Variants in CHRM3 observed in about 807,000 individuals in gnomAD.
CHRM3 encodes the protein cholinergic receptor muscarinic 3.
CHRM3 carries 11 observed loss-of-function variants against 41.8 expected under a neutral mutation model. That is an observed-to-expected ratio of 0.26 (90% CI 0.17 to 0.44). The LOEUF is 0.44. Among genes scored for constraint, CHRM3 ranks in the 20% least tolerant of loss-of-function variants. The pLI is 1.00. For synonymous variants in CHRM3, 297 were observed against 301.4 expected (o/e 0.99, Z 0.15); for missense variants, 571 against 745.4 (o/e 0.77, Z 2.72).
chr1:239,686,579 C>T (rs928699164), intron 5 of CHRM3, among the ~76,000 whole-genome samples: 1 of 152,168 alleles, frequency 6.6e-6, no homozygotes, highest in African/African-American at 2.4e-5. Flanking sequence ...CACCACTCTG[C>T]ACTATACTTT....
intron 6 of CHRM3, among the ~76,000 whole-genome samples, chr1:239,891,065 A>G (rs1678513032): frequency 6.6e-6 from 1 of 152,118 alleles, no homozygotes; most frequent in Admixed American, 6.6e-5. Context: ...AATCAGGTGT[A>G]CATGGTTCTA....
chr1:239,552,393 A>G (rs901090597), intron 3 of CHRM3, among the ~76,000 whole-genome samples: 1 of 147,430 alleles, frequency 6.8e-6, no homozygotes, highest in Admixed American at 6.8e-5. Context: ...ATAGATATGT[A>G]TCATATTTTA....
At chr1:239,794,675 C>T (rs1172456847) in intron 5 of CHRM3, among the ~76,000 whole-genome samples, 2 of 152,128 alleles carry the variant, frequency 1.3e-5, no homozygotes, top group East Asian at 3.9e-4. Flanking sequence ...AGATCTAACT[C>T]CACGCTTTTA....
chr1:239,767,781 T>C (rs1241824150), intron 5 of CHRM3, among the ~76,000 whole-genome samples: 1 of 152,196 alleles, frequency 6.6e-6, no homozygotes, highest in Non-Finnish European at 1.5e-5. Context: ...ACTGATGGAA[T>C]CAGATGGATC....
At chr1:239,803,340 C>T (rs928268898) in intron 5 of CHRM3, among the ~76,000 whole-genome samples, 1 of 152,060 alleles carries the variant, frequency 6.6e-6, no homozygotes, top group Non-Finnish European at 1.5e-5. Flanking sequence ...AATTTAAGTA[C>T]GTGTCTTCAT....
chr1:239,432,489 A>T (rs74149059), intron 1 of CHRM3, among the ~76,000 whole-genome samples: 3,053 of 152,240 alleles, frequency 0.02, 81 homozygotes, highest in African/African-American at 0.069. Context: ...TGAAGAGTGA[A>T]TGGGGAAAAT....
At chr1:239,603,951 A>G (rs1665922923) in intron 3 of CHRM3, among the ~76,000 whole-genome samples, 2 of 152,150 alleles carry the variant, frequency 1.3e-5, no homozygotes, top group Non-Finnish European at 2.9e-5. Flanking sequence ...TACTATTATC[A>G]GTTTTCAGAC....
rs1218756281 is a variant in CHRM3, at chr1:239,469,871, T to C, written c.-520-22838T>C. Among the ~76,000 whole-genome samples, 3 of 152,310 alleles carry C rather than the reference T, an allele frequency of 2.0e-5. 1 individual carries two copies. Among genetic ancestry groups the C allele is most frequent in the Non-Finnish European group, 4.4e-5 (3 of 68,034 alleles). ...CGCACTCTGACAGTCTTGAGCACTT[T>C]GTCAGATTCCTTGGACAGCCTCCTT... On this transcript the variant is annotated intron_variant, in intron 1 of 6. Transcript: ENST00000676153.
rs760141495 is a variant in CHRM3 at position 239,907,583 on chromosome 1, A to G, written c.132A>G (p.Arg44=). The G allele has an allele frequency of 1.2e-6, 2 of 1,614,088 alleles. No individual in the cohort carries two copies. Among genetic ancestry groups the G allele is most frequent in the South Asian group, 2.2e-5 (2 of 91,074 alleles). ...ATTTCGGCAGCTACAATGTTTCTCG[A>G]GCAGCTGGCAATTTCTCCTCTCCAG... is the stretch of plus-strand genomic sequence containing the variant. The part of the protein sequence containing the change: ...VTHFGSYNVS[R]AAGNFSSPDG... Residue 44 remains arginine, a synonymous_variant, in exon 7 of 7, where the codon CGA becomes CGG. Coordinates refer to ENST00000676153, the MANE Select transcript of CHRM3 (RefSeq NM_001375978.1). The surrounding 1 kb of genome is among the most constrained non-coding windows in gnomAD (Gnocchi z 5.4).
intron 3 of CHRM3, among the ~76,000 whole-genome samples, chr1:239,619,965 G>A (rs1014469166): frequency 3.3e-5 from 5 of 152,076 alleles, no homozygotes; most frequent in African/African-American, 1.2e-4. Flanking sequence ...AGCCATCTCT[G>A]GCTAAAGAAT....
intron 3 of CHRM3, among the ~76,000 whole-genome samples, chr1:239,580,818 T>C (rs1024381192): frequency 6.7e-6 from 1 of 150,282 alleles, no homozygotes; most frequent in African/African-American, 2.4e-5. Flanking sequence ...TTATGAAGCC[T>C]TGTGTGATTT....
rs536176706 is a variant in CHRM3 at position 239,859,626 on chromosome 1, A to G, written c.-20+32248A>G. On this transcript the variant is annotated intron_variant, in intron 6 of 6. Coordinates refer to ENST00000676153, the MANE Select transcript of CHRM3 (RefSeq NM_001375978.1). ...AGATGGGGTTTCACCATGATGGCCA[A>G]GCTGGTTTCAAACTCCTGACCTCAA... 8.0e-5 allele frequency among the ~76,000 whole-genome samples: 12 copies of G among 150,898 alleles called. No homozygotes were observed. The South Asian group carries it at 2.5e-3, about 32-fold the overall frequency.
At chr1:239,674,896 C>CA (rs1349443495) in intron 4 of CHRM3, among the ~76,000 whole-genome samples, 6 of 152,156 alleles carry the variant, frequency 3.9e-5, no homozygotes, top group East Asian at 3.9e-4. Flanking sequence ...GTGAATTAAT[C>CA]AATACCTGGT....
chr1:239,611,570 G>A (rs888578661), intron 3 of CHRM3, among the ~76,000 whole-genome samples: 7 of 151,814 alleles, frequency 4.6e-5, no homozygotes, highest in South Asian at 2.1e-4. Context: ...ACAGGCATGC[G>A]TCACCATGCC....
intron 2 of CHRM3, among the ~76,000 whole-genome samples, chr1:239,532,289 G>A (rs1301979607): frequency 1.3e-5 from 2 of 148,212 alleles, no homozygotes; most frequent in East Asian, 4.1e-4. Flanking sequence ...GGGATTACAG[G>A]CGTGAGCCAC....
intron 2 of CHRM3, among the ~76,000 whole-genome samples, chr1:239,533,190 T>C (rs1285234122): frequency 6.6e-6 from 1 of 152,170 alleles, no homozygotes; most frequent in Non-Finnish European, 1.5e-5. Flanking sequence ...TAAGCTAAAC[T>C]TCCCATGATT....
intron 4 of CHRM3, among the ~76,000 whole-genome samples, chr1:239,670,656 C>A (rs1674266135): frequency 6.6e-6 from 1 of 151,974 alleles, no homozygotes; most frequent in Admixed American, 6.6e-5. Context: ...GCTTCCCAAG[C>A]AGCTGGGATT....
intron 5 of CHRM3, among the ~76,000 whole-genome samples, chr1:239,814,468 C>A (rs1171378070): frequency 3.9e-5 from 6 of 152,172 alleles, no homozygotes; most frequent in Non-Finnish European, 7.3e-5. Context: ...CCAGAGCTCC[C>A]TCTGCCTCCC....
At chr1:239,553,716 T>C (rs1660083208) in intron 3 of CHRM3, among the ~76,000 whole-genome samples, 1 of 152,192 alleles carries the variant, frequency 6.6e-6, no homozygotes, top group African/African-American at 2.4e-5. Flanking sequence ...TTTAATTAGT[T>C]GAAAATAATT....
Sources: allele counts gnomAD v4.1 joint callset (sites outside exome capture counted in the v4.1 genomes callset), GRCh38; gene constraint gnomAD v4.1.1; non-coding constraint Gnocchi (gnomAD v3.1); transcripts MANE v1.5; gene names NCBI Gene and HGNC (gene_info 2026-07-23, HGNC 2026-07-21).